The following ADAMTS2 variants were observed in gnomAD, a reference collection of about 807,000 sequenced individuals.
ADAMTS2 encodes the protein ADAM metallopeptidase with thrombospondin type 1 motif 2.
A neutral mutation model predicts 123.0 loss-of-function variants in ADAMTS2; 50 were observed. The ratio of observed to expected loss-of-function variants is 0.41; its 90% CI spans 0.32 to 0.51. ADAMTS2 has a LOEUF of 0.51. ADAMTS2 is among the 20% of genes least tolerant of loss of function. ADAMTS2 has a pLI of 0.35. For missense variants in ADAMTS2, 1,494 were observed against 1,705.2 expected, an observed-to-expected ratio of 0.88 and a Z score of 2.18; for synonymous variants, 678 against 695.4, an observed-to-expected ratio of 0.98 and a Z score of 0.39.
At chr5:179,319,815 G>A (rs12153310) in intron 2 of ADAMTS2, among the ~76,000 whole-genome samples, 27,515 of 151,858 alleles carry the variant, frequency 0.18, 2,674 homozygotes, top group Admixed American at 0.26. Context: ...ACCAGCCCCC[G>A]CAGTCATTAC....
At chr5:179,215,923 G>A (rs1177501140) in intron 3 of ADAMTS2, among the ~76,000 whole-genome samples, 2 of 152,194 alleles carry the variant, frequency 1.3e-5, no homozygotes, top group Non-Finnish European at 2.9e-5. Context: ...CTGGAATTCT[G>A]CATCCAGACA....
chr5:179,217,237 G>C (rs1765003916), intron 3 of ADAMTS2, among the ~76,000 whole-genome samples: 1 of 152,242 alleles, frequency 6.6e-6, no homozygotes, highest in Non-Finnish European at 1.5e-5. Context: ...CTTAAAAACA[G>C]AGTGCCAAGT....
intron 12 of ADAMTS2, 52 bp downstream of exon 12, chr5:179,137,707 CACCCTGCCCA>C: frequency 2.0e-6 from 3 of 1,495,746 alleles, no homozygotes; most frequent in Non-Finnish European, 2.7e-6. Context: ...CACAAGCCCC[CACCCTGCCCA>C]CCCTAGGGCC....
rs1236156140 is a variant in ADAMTS2, at chr5:179,299,318, A to G, written c.535-26254T>C. On this transcript the variant is annotated intron_variant, in intron 2 of 21. Transcript: ENST00000251582. The stretch of plus-strand genomic sequence containing the variant: ...GCTGAGGCGGGCGGATCACGAGGTC[A>G]GGAGATGGAGACCATCCTGGCTAAC... 5.4e-4 allele frequency among the ~76,000 whole-genome samples: 56 copies of G among 104,386 alleles called. 3 individuals are homozygous for G. Among genetic ancestry groups the G allele is most frequent in the African/African-American group, 2.0e-3 (54 of 26,958 alleles). 68.5% of individuals were successfully genotyped at this position (104,386 alleles called of 152,430 possible).
At chr5:179,182,666 G>A (rs1167890689) in intron 4 of ADAMTS2, among the ~76,000 whole-genome samples, 1 of 152,142 alleles carries the variant, frequency 6.6e-6, no homozygotes, top group African/African-American at 2.4e-5. Flanking sequence ...CCCAAACGCA[G>A]CTCCTCTTGG....
At chr5:179,215,381 G>A (rs1764958170) in intron 3 of ADAMTS2, among the ~76,000 whole-genome samples, 1 of 152,178 alleles carries the variant, frequency 6.6e-6, no homozygotes. Flanking sequence ...CGGGGAGGCG[G>A]AGGCTGTGGT....
At chr5:179,166,035 G>A (rs1454513172) in intron 5 of ADAMTS2, among the ~76,000 whole-genome samples, 1 of 152,188 alleles carries the variant, frequency 6.6e-6, no homozygotes, top group East Asian at 1.9e-4. Flanking sequence ...ATCGACCACT[G>A]CAGACATGGG....
At chr5:179,241,737 A>C (rs1261817453) in intron 3 of ADAMTS2, among the ~76,000 whole-genome samples, 1 of 152,236 alleles carries the variant, frequency 6.6e-6, no homozygotes, top group Non-Finnish European at 1.5e-5. Flanking sequence ...AAAAGAGATA[A>C]TGCACATGAA....
chr5:179,122,639 C>T lies in ADAMTS2; in HGVS notation c.3088+5G>A. ...GAGCAGGGGCAGGGGCTGCAGGTGG[C>T]TTACGGGGACAGGGGCCAAGCCTGC... On this transcript the variant is annotated splice_donor_5th_base_variant and intron_variant, in intron 20 of 21. Coordinates refer to ENST00000251582, the MANE Select transcript of ADAMTS2 (RefSeq NM_014244.5). 6.5e-7 allele frequency: 1 copy of T among 1,550,248 alleles called. No homozygotes were observed. The highest frequency in any genetic ancestry group is 8.7e-7 in the Non-Finnish European group (1 of 1,147,124).
At chr5:179,265,392 A>G (rs1426353099) in intron 3 of ADAMTS2, among the ~76,000 whole-genome samples, 1 of 152,184 alleles carries the variant, frequency 6.6e-6, no homozygotes, top group African/African-American at 2.4e-5. Context: ...GGCACAGGGG[A>G]GTTGCTGCGC....
In ADAMTS2 at chr5:179,199,022, G is replaced by A. The variant is rs1175177476; in HGVS notation, c.891+8491C>T. The stretch of plus-strand genomic sequence containing the variant: ...AAGGCCACAGAGAACGGGAGTCTGA[G>A]GTGGCATCCAGGGGGCACATGCAGG... On this transcript the variant is annotated intron_variant, in intron 4 of 21. Coordinates refer to ENST00000251582, the MANE Select transcript of ADAMTS2 (RefSeq NM_014244.5). Among the ~76,000 whole-genome samples the A allele has an allele frequency of 2.0e-5, 3 of 152,080 alleles. No individual in the cohort carries two copies. The East Asian group carries it at 5.8e-4, about 29-fold the overall frequency.
chr5:179,345,258 G>GCA lies in ADAMTS2; in HGVS notation c.70_71insTG (p.Pro24LeufsTer142). 1 of 1,136,326 alleles carries GCA rather than the reference G, an allele frequency of 8.8e-7. No individual in the cohort carries two copies. The highest frequency in any genetic ancestry group is 1.1e-6 in the Non-Finnish European group (1 of 932,210). The allele number at this position is 1,136,326 out of a possible 1,614,324, so 70.4% of individuals were successfully genotyped here. A position where few individuals can be genotyped will look rare whatever the true frequency, so the allele number is the denominator to read the frequency against. ...CGGCGGCGGCGGCAGGAGCGGCGGCGGCAGCAGCAGCAGCAGCAGCAGCAG... is the reference window on the plus strand; with the variant it reads ...CGGCGGCGGCGGCAGGAGCGGCGGCGCAGCAGCAGCAGCAGCAGCAGCAGCAG... On this transcript the variant is annotated frameshift_variant, in exon 1 of 22. Coordinates refer to ENST00000251582, the MANE Select transcript of ADAMTS2 (RefSeq NM_014244.5). LOFTEE classifies it high-confidence loss of function. The surrounding 1 kb of genome is among the most constrained non-coding windows in gnomAD (Gnocchi z 7.5).
rs377543885 is a variant in ADAMTS2, at chr5:179,147,390, A to G, written c.1629+4752T>C. Among the ~76,000 whole-genome samples the G allele has an allele frequency of 1.1e-4, 16 of 152,320 alleles. No homozygotes were observed. In the East Asian group the frequency reaches 2.5e-3, roughly 24 times the overall value. On this transcript the variant is annotated intron_variant, in intron 10 of 21. Transcript: ENST00000251582. ...AGGTGTGAGCCATCACACCTGGCCT[A>G]AGCCAGCTTTTGAACAAGCAGACCA...
intron 5 of ADAMTS2, among the ~76,000 whole-genome samples, chr5:179,160,687 A>G (rs1763576739): frequency 6.6e-6 from 1 of 152,200 alleles, no homozygotes; most frequent in Non-Finnish European, 1.5e-5. Context: ...AGTCCCGATG[A>G]AATAAGTCAT....
chr5:179,215,056 A>AT (rs1049093488), intron 3 of ADAMTS2, among the ~76,000 whole-genome samples: 2 of 152,310 alleles, frequency 1.3e-5, no homozygotes, highest in South Asian at 2.1e-4. Context: ...GAGGAGGCAT[A>AT]TTTTTTTCAA....
At chr5:179,122,177 T>A (rs1488456253) in intron 20 of ADAMTS2, among the ~76,000 whole-genome samples, 1 of 152,024 alleles carries the variant, frequency 6.6e-6, no homozygotes, top group Non-Finnish European at 1.5e-5. Flanking sequence ...AGCTCCCTCC[T>A]CTATAGAAGG....
In ADAMTS2 at chr5:179,274,330, C is replaced by G. The variant is rs570947196; in HGVS notation, c.535-1266G>C. Among the ~76,000 whole-genome samples, 33 of 152,336 alleles carry G rather than the reference C, an allele frequency of 2.2e-4. 1 individual carries two copies. In the South Asian group the frequency reaches 6.0e-3, roughly 28 times the overall value. ...TGACCCATGCAGGGGATTTTAAAAG[C>G]TTGAATTTGTTGCCAAACTTAAGAA... On this transcript the variant is annotated intron_variant, in intron 2 of 21. Transcript: ENST00000251582.
intron 2 of ADAMTS2, among the ~76,000 whole-genome samples, chr5:179,323,006 G>A (rs1234031162): frequency 6.6e-6 from 1 of 152,234 alleles, no homozygotes; most frequent in Admixed American, 6.5e-5. Context: ...ACTGGCGGGA[G>A]GCAGAACTTG....
At chr5:179,291,606 G>A (rs767335540) in intron 2 of ADAMTS2, among the ~76,000 whole-genome samples, 29 of 152,316 alleles carry the variant, frequency 1.9e-4, no homozygotes, top group East Asian at 3.9e-4. Context: ...TGTGGAAGGC[G>A]GGAGTGTGCC....
Sources: allele counts gnomAD v4.1 joint callset (sites outside exome capture counted in the v4.1 genomes callset), GRCh38; gene constraint gnomAD v4.1.1; non-coding constraint Gnocchi (gnomAD v3.1); transcripts MANE v1.5; gene names NCBI Gene and HGNC (gene_info 2026-07-23, HGNC 2026-07-21).